The following MCPH1 variants were observed in gnomAD, a reference collection of about 807,000 sequenced individuals.
MCPH1 encodes the protein microcephalin.
A neutral mutation model predicts 84.5 loss-of-function variants in MCPH1; 104 were observed. That is an observed-to-expected ratio of 1.23 (90% CI 1.05 to 1.45). The LOEUF (loss-of-function observed/expected upper bound fraction) is 1.45. MCPH1 is among the 40% of genes most tolerant of loss of function. The pLI is 0.00. For synonymous variants in MCPH1, 514 were observed against 366.8 expected, an observed-to-expected ratio of 1.40 and a Z score of -4.58; for missense variants, 1,498 against 1,005.7, an observed-to-expected ratio of 1.49 and a Z score of -6.62.
chr8:6,633,775 C>G (rs1054366113), intron 13 of MCPH1, among the ~76,000 whole-genome samples: 2 of 152,224 alleles, frequency 1.3e-5, no homozygotes, highest in Non-Finnish European at 2.9e-5. Flanking sequence ...GGGCCGAGAA[C>G]TCCATGCATT....
chr8:6,503,549 C>T (rs1424693639), intron 12 of MCPH1, among the ~76,000 whole-genome samples: 3 of 152,190 alleles, frequency 2.0e-5, no homozygotes, highest in African/African-American at 4.8e-5. Flanking sequence ...GGTAAGCCCA[C>T]AGTGTGTACA....
intron 8 of MCPH1, among the ~76,000 whole-genome samples, chr8:6,454,436 A>C (rs1391262380): frequency 6.6e-6 from 1 of 152,194 alleles, no homozygotes; most frequent in Non-Finnish European, 1.5e-5. Flanking sequence ...TCAAAATCCC[A>C]TGTAAGTCAT....
At chr8:6,590,664 T>A (rs1236581310) in intron 12 of MCPH1, among the ~76,000 whole-genome samples, 1 of 152,082 alleles carries the variant, frequency 6.6e-6, no homozygotes, top group African/African-American at 2.4e-5. Flanking sequence ...AAGGAAAAAA[T>A]AATAATAAGT....
Position 6,477,613 on chromosome 8 carries a change from T to C in MCPH1, c.1955T>C (p.Met652Thr). The change falls in exon 10 of 14, where the codon ATG (methionine) becomes ACG (threonine). Residue 652 changes from methionine to threonine, a missense_variant. Transcript: ENST00000344683. ...RGKKPTRTLV[M>T]TSMPSEKQNV... ...CTCTAGCCAACAAGAACATTAGTCATGACAAGCATGCCATCTGAGTAAGTA... is the reference window on the plus strand; with the variant it reads ...CTCTAGCCAACAAGAACATTAGTCACGACAAGCATGCCATCTGAGTAAGTA... 1 of 1,613,282 alleles carries C rather than the reference T, an allele frequency of 6.2e-7. No individual in the cohort carries two copies. The highest frequency in any genetic ancestry group is 8.5e-7 in the Non-Finnish European group (1 of 1,179,510).
rs753756731 is a variant in MCPH1, at chr8:6,445,215, G to C, written c.1493G>C (p.Cys498Ser). Reference protein sequence around the residue: ...GNGEGRATSSCVTSAPEEALR... With the variant: ...GNGEGRATSSSVTSAPEEALR... ...GGTGAAGGCCGTGCAACTTCGAGTT[G>C]CGTGACTTCTGCCCCTGAAGAAGCC... The change falls in exon 8 of 14, where the codon TGC becomes TCC. Residue 498 changes from cysteine to serine, a missense_variant. Transcript: ENST00000344683. 11 of 1,614,130 alleles carry C rather than the reference G, an allele frequency of 6.8e-6. 1 individual carries two copies. The South Asian group carries it at 1.1e-4, about 16-fold the overall frequency.
At chr8:6,410,695 A>T (rs972145605) in intron 2 of MCPH1, among the ~76,000 whole-genome samples, 4 of 152,192 alleles carry the variant, frequency 2.6e-5, no homozygotes, top group African/African-American at 9.7e-5. Flanking sequence ...GAGGCAGAAG[A>T]GTACTCACAT....
chr8:6,519,277 C>A (rs1425076624), intron 12 of MCPH1, among the ~76,000 whole-genome samples: 1 of 152,148 alleles, frequency 6.6e-6, no homozygotes, highest in African/African-American at 2.4e-5. Flanking sequence ...GATGCTAAGA[C>A]ACCACCGGTC....
chr8:6,435,945 T>A, intron 4 of MCPH1, 103 bp from the exon 5 acceptor site: 2 of 1,386,504 alleles, frequency 1.4e-6, no homozygotes, highest in Non-Finnish European at 9.9e-7. Context: ...GAATTTTTTA[T>A]TACTGATGTT....
chr8:6,423,774 T>TCTGTTTCCATTCTCA (rs1800627178), intron 3 of MCPH1, among the ~76,000 whole-genome samples: 1 of 152,244 alleles, frequency 6.6e-6, no homozygotes, highest in Non-Finnish European at 1.5e-5. Flanking sequence ...CAAATTATCT[T>TCTGTTTCCATTCTCA]CTGGAAGGAG....
intron 12 of MCPH1, among the ~76,000 whole-genome samples, chr8:6,585,217 G>T (rs143649409): frequency 6.6e-6 from 1 of 152,236 alleles, no homozygotes; most frequent in African/African-American, 2.4e-5. Context: ...GGTACTCCAC[G>T]GGGAGAGGAG....
intron 12 of MCPH1, among the ~76,000 whole-genome samples, chr8:6,612,456 CT>C (rs1830367638): frequency 1.3e-5 from 2 of 152,202 alleles, no homozygotes; most frequent in Non-Finnish European, 2.9e-5. Context: ...AGGGCTACCC[CT>C]TTCTCCATTA....
chr8:6,514,190 G>C (rs1167513327), intron 12 of MCPH1, among the ~76,000 whole-genome samples: 1 of 152,120 alleles, frequency 6.6e-6, no homozygotes, highest in Non-Finnish European at 1.5e-5. Context: ...AATAAGCTAA[G>C]TAGTGGCAGC....
intron 12 of MCPH1, among the ~76,000 whole-genome samples, chr8:6,506,641 T>G (rs1198129250): frequency 6.6e-6 from 1 of 152,042 alleles, no homozygotes; most frequent in African/African-American, 2.4e-5. Flanking sequence ...AAAGGATGAT[T>G]GTGCCAGGAT....
At chr8:6,419,799 GATA>G (rs1240711596) in intron 3 of MCPH1, among the ~76,000 whole-genome samples, 1 of 152,082 alleles carries the variant, frequency 6.6e-6, no homozygotes, top group East Asian at 1.9e-4. Flanking sequence ...GCACCCAGCT[GATA>G]ATATTTGATT....
intron 12 of MCPH1, chr8:6,532,207 A>G: frequency 4.5e-6 from 5 of 1,118,888 alleles, no homozygotes; most frequent in Non-Finnish European, 6.5e-6. Context: ...TTATCAATTC[A>G]TTCCTTTTCT....
intron 11 of MCPH1, among the ~76,000 whole-genome samples, chr8:6,485,413 T>A (rs1809766228): frequency 6.6e-6 from 1 of 152,176 alleles, no homozygotes; most frequent in Admixed American, 6.5e-5. Flanking sequence ...TGTCTTGGTT[T>A]CAGAACTAGG....
At chr8:6,474,723 G>T (rs1289593761) in intron 9 of MCPH1, among the ~76,000 whole-genome samples, 2 of 152,166 alleles carry the variant, frequency 1.3e-5, no homozygotes, top group East Asian at 3.8e-4. Flanking sequence ...GTGTGGCTGG[G>T]CACAGTGGCT....
chr8:6,642,853 A>G lies in MCPH1; in HGVS notation c.2453-141A>G, dbSNP rs149377477. 167 of 746,526 alleles carry G rather than the reference A, an allele frequency of 2.2e-4. No homozygotes were observed. In the African/African-American group the frequency reaches 2.3e-3, roughly 10 times the overall value. 46.2% of individuals were successfully genotyped at this position (746,526 alleles called of 1,614,324 possible). Reference sequence around the variant, plus strand: ...TAATTTAAAAAGGTATGTGTGCTCTATGGACGTGGGGGGGCCTATGGACAA... The same window carrying G: ...TAATTTAAAAAGGTATGTGTGCTCTGTGGACGTGGGGGGGCCTATGGACAA... On this transcript the variant is annotated intron_variant, in intron 13 of 13. Transcript: ENST00000344683.
At chr8:6,597,320 C>T (rs1471546805) in intron 12 of MCPH1, among the ~76,000 whole-genome samples, 1 of 152,134 alleles carries the variant, frequency 6.6e-6, no homozygotes, top group African/African-American at 2.4e-5. Flanking sequence ...CCAGCGTTTC[C>T]CACCATTGTC....
Sources: allele counts gnomAD v4.1 joint callset (sites outside exome capture counted in the v4.1 genomes callset), GRCh38; gene constraint gnomAD v4.1.1; transcripts MANE v1.5; gene names NCBI Gene and HGNC (gene_info 2026-07-23, HGNC 2026-07-21).